Variants in UGT2B15 observed in about 807,000 individuals in gnomAD.
UGT2B15 encodes the protein UDP-glucuronosyltransferase 2B15.
In UGT2B15, 36 loss-of-function variants were observed where a neutral mutation model predicts 45.9. The observed-to-expected ratio is 0.78, with a 90% CI of 0.60 to 1.04. The LOEUF is 1.04. Among genes scored for constraint, UGT2B15 ranks in the 50% least tolerant of loss-of-function variants. The pLI is 0.00. For missense variants in UGT2B15, 617 were observed against 622.4 expected, an observed-to-expected ratio of 0.99 and a Z score of 0.09; for synonymous variants, 219 against 216.4, an observed-to-expected ratio of 1.01 and a Z score of -0.11.
chr4:68,655,729 T>A (rs1227878806), intron 3 of UGT2B15, among the ~76,000 whole-genome samples: 6 of 152,120 alleles, frequency 3.9e-5, no homozygotes, highest in Admixed American at 1.3e-4. Context: ...ATCTTATATA[T>A]GTTGATTGAT....
rs769859658 is a variant in UGT2B15, at chr4:68,647,344, A to G, written c.1353T>C (p.His451=). ...GATCCAGGGGCTTCATTGGTTGGTC[A>G]TGATGAATTCTTGATAATTTCATGA... The part of the protein sequence containing the change: ...ENVMKLSRIH[H]DQPMKPLDRA... Residue 451 remains histidine, a synonymous_variant, in exon 6 of 6, where the codon CAT becomes CAC. Coordinates refer to ENST00000338206, the MANE Select transcript of UGT2B15 (RefSeq NM_001076.4). The G allele has an allele frequency of 1.9e-6, 3 of 1,613,752 alleles. No individual in the cohort carries two copies. Among genetic ancestry groups the G allele is most frequent in the Non-Finnish European group, 2.5e-6 (3 of 1,179,736 alleles).
chr4:68,668,294 A>G, intron 1 of UGT2B15, 106 bp from the exon 2 acceptor site: 1 of 1,513,018 alleles, frequency 6.6e-7, no homozygotes, highest in African/African-American at 1.4e-5. Context: ...ACCCAAACAT[A>G]TATAAAATGT....
In UGT2B15 at chr4:68,657,692, A is replaced by G. The variant is rs184641617; in HGVS notation, c.1006-2510T>C. Among the ~76,000 whole-genome samples, 811 of 152,140 alleles carry G rather than the reference A, an allele frequency of 5.3e-3. 9 individuals carry two copies. The highest frequency in any genetic ancestry group is 0.018 in the African/African-American group (756 of 41,488). On this transcript the variant is annotated intron_variant, in intron 3 of 5. Transcript: ENST00000338206. The stretch of plus-strand genomic sequence containing the variant: ...CCCTAGGTTGTCCTGCAAGCTATAG[A>G]GTTCCTAAGTTCTCTCTTTTTAAAA...
chr4:68,668,808 T>G (rs551513358), intron 1 of UGT2B15, among the ~76,000 whole-genome samples: 3 of 152,238 alleles, frequency 2.0e-5, no homozygotes, highest in African/African-American at 7.2e-5. Flanking sequence ...TTAAACTTCT[T>G]TTCTTTATAA....
At position 68,667,892 on chromosome 4, in the gene UGT2B15, C is replaced by G. The variant is rs375561687; in HGVS notation, c.873+148G>C. On this transcript the variant is annotated intron_variant, in intron 2 of 5. Transcript: ENST00000338206. ...TAATAACATTCACATACTTGTGATA[C>G]TACAGAAATATATGATTTTCTAATG... is the stretch of plus-strand genomic sequence containing the variant. 2,113 of 1,310,350 alleles carry G rather than the reference C, an allele frequency of 1.6e-3. 23 individuals are homozygous for G. In the African/African-American group the frequency reaches 0.029, roughly 18 times the overall value. 81.2% of individuals were successfully genotyped at this position (1,310,350 alleles called of 1,614,324 possible).
intron 3 of UGT2B15, among the ~76,000 whole-genome samples, chr4:68,659,970 A>G (rs1222288750): frequency 7.1e-6 from 1 of 141,338 alleles, no homozygotes. Context: ...TTTTTGAGCT[A>G]TTAACAGCTT....
chr4:68,650,682 CAAATGGT>C (rs1453401504), intron 5 of UGT2B15, among the ~76,000 whole-genome samples: 1 of 152,034 alleles, frequency 6.6e-6, no homozygotes, highest in Non-Finnish European at 1.5e-5. Flanking sequence ...ATTGCTAGGT[CAAATGGT>C]GTTTCTGGTT....
chr4:68,667,042 C>T (rs1420428187), intron 2 of UGT2B15, among the ~76,000 whole-genome samples: 5 of 151,786 alleles, frequency 3.3e-5, no homozygotes, highest in Non-Finnish European at 5.9e-5. Flanking sequence ...CCACCACGCC[C>T]GGCCCATCAT....
chr4:68,662,411 T>C (rs949052843), intron 3 of UGT2B15, among the ~76,000 whole-genome samples: 2 of 149,498 alleles, frequency 1.3e-5, no homozygotes, highest in Admixed American at 6.8e-5. Context: ...TTTCTCTAAA[T>C]CTACTTGGCT....
chr4:68,666,540 G>A (rs1049076833), intron 2 of UGT2B15, among the ~76,000 whole-genome samples: 2 of 151,750 alleles, frequency 1.3e-5, no homozygotes, highest in Non-Finnish European at 2.9e-5. Flanking sequence ...TATTATAAAA[G>A]TAGTCATGAT....
Position 68,646,891 on chromosome 4 carries a change from A to G in UGT2B15, c.*213T>C. On this transcript the variant is annotated 3_prime_UTR_variant, in exon 6 of 6. Coordinates refer to ENST00000338206, the MANE Select transcript of UGT2B15 (RefSeq NM_001076.4). ...ATCTCCAAATGCTATCCTTCCCCCC[A>G]TTGTATTTTTCATAGCTTAAAAATC... 1.4e-6 allele frequency: 1 copy of G among 737,402 alleles called. No individual in the cohort carries two copies. Among genetic ancestry groups the G allele is most frequent in the Non-Finnish European group, 2.1e-6 (1 of 476,004 alleles). 45.7% of individuals were successfully genotyped at this position (737,402 alleles called of 1,614,324 possible). A position where few individuals can be genotyped will look rare whatever the true frequency, so the allele number is the denominator to read the frequency against.
rs763432394 is a variant in UGT2B15, at chr4:68,668,094, T to G, written c.819A>C (p.Pro273=). ...GAAGTCCTCCAACAAAATCAACATT[T>G]GGTAAGAATGGGCGAGGAAATTCAA... ...WDFEFPRPFL[P]NVDFVGGLHC... is the part of the protein sequence containing the mutation. The change falls in exon 2 of 6, where the codon CCA becomes CCC. Residue 273 remains proline (P), a synonymous_variant. Transcript: ENST00000338206. 1.2e-6 allele frequency: 2 copies of G among 1,613,986 alleles called. No individual in the cohort carries two copies. Among genetic ancestry groups the G allele is most frequent in the East Asian group, 2.2e-5 (1 of 44,862 alleles).
chr4:68,654,426 ATGAAAAAGCATATTC>A (rs1376122165), intron 4 of UGT2B15, among the ~76,000 whole-genome samples, 170 bp from the exon 5 acceptor site: 3 of 150,944 alleles, frequency 2.0e-5, no homozygotes, highest in Non-Finnish European at 4.4e-5. Flanking sequence ...GGTGAACAAA[ATGAAAAAGCATATTC>A]TTAATTAAAA....
chr4:68,653,728 T>A (rs1732720003), intron 5 of UGT2B15, among the ~76,000 whole-genome samples: 1 of 152,042 alleles, frequency 6.6e-6, no homozygotes, highest in African/African-American at 2.4e-5. Flanking sequence ...TGAAATATCA[T>A]ATTTCTCTAG....
rs774481876 is a variant in UGT2B15 at position 68,670,330 on chromosome 4, A to G, written c.289T>C (p.Trp97Arg). The G allele has an allele frequency of 1.7e-5, 27 of 1,613,706 alleles. No individual in the cohort carries two copies. Among genetic ancestry groups the G allele is most frequent in the Non-Finnish European group, 2.3e-5 (27 of 1,179,900 alleles). Reference sequence around the variant, plus strand: ...GTATTTTTTGAAACACCATATATCCATCTATCGAGAATTTTCAGAAGAGAA... The same window carrying G: ...GTATTTTTTGAAACACCATATATCCGTCTATCGAGAATTTTCAGAAGAGAA... ...EDSLLKILDR[W>R]IYGVSKNTFW... The change falls in exon 1 of 6, where the codon TGG (tryptophan) becomes CGG (arginine). Residue 97 changes from tryptophan (W) to arginine (R), a missense_variant. Physicochemically the swap from Trp to Arg is moderately radical, Grantham distance 101. Coordinates refer to ENST00000338206, the MANE Select transcript of UGT2B15 (RefSeq NM_001076.4).
intron 5 of UGT2B15, among the ~76,000 whole-genome samples, chr4:68,649,273 C>CTTTTTTTTTTTTTTTTTTTTTTTTT (rs71218976): frequency 1.1e-5 from 1 of 93,260 alleles, no homozygotes; most frequent in Non-Finnish European, 2.0e-5. Context: ...TTCATATAAT[C>CTTTTTTTTTTTTTTTTTTTTTTTTT]TTTTTTTTTT....
chr4:68,652,185 T>G (rs2109821503), intron 5 of UGT2B15, among the ~76,000 whole-genome samples: 1 of 152,106 alleles, frequency 6.6e-6, no homozygotes, highest in East Asian at 1.9e-4. Flanking sequence ...AATCATGTAC[T>G]GTCAGTGTAT....
At position 68,670,396 on chromosome 4, in the gene UGT2B15, C is replaced by G; in HGVS notation, c.223G>C (p.Glu75Gln). Residue 75 changes from glutamate (E) to glutamine (Q), a missense_variant, in exon 1 of 6, where the codon GAA (glutamate) becomes CAA (glutamine). Physicochemically the swap from Glu to Gln is conservative, Grantham distance 29. Transcript: ENST00000338206. ...NASKSSAIKL[E>Q]VYPTSLTKNY... The stretch of plus-strand genomic sequence containing the variant: ...TTAGTTAAAGATGTAGGATAAACTT[C>G]TAATTTAATAGCAGATGATTTACTG... 6.2e-7 allele frequency: 1 copy of G among 1,613,626 alleles called. No homozygotes were observed. The highest frequency in any genetic ancestry group is 8.5e-7 in the Non-Finnish European group (1 of 1,179,948).
chr4:68,663,708 T>C (rs1377381354), intron 2 of UGT2B15, among the ~76,000 whole-genome samples: 4 of 152,020 alleles, frequency 2.6e-5, no homozygotes, highest in Non-Finnish European at 5.9e-5. Flanking sequence ...ACCCTTTATA[T>C]TTCACTTAAA....
Sources: allele counts gnomAD v4.1 joint callset (sites outside exome capture counted in the v4.1 genomes callset), GRCh38; gene constraint gnomAD v4.1.1; transcripts MANE v1.5; gene names NCBI Gene and HGNC (gene_info 2026-07-23, HGNC 2026-07-21).